The following DMXL2 variants were observed in gnomAD, a reference collection of about 807,000 sequenced individuals.
DMXL2 encodes dmX-like protein 2.
A neutral mutation model predicts 331.1 loss-of-function variants in DMXL2; 103 were observed. The observed-to-expected ratio is 0.31, with a 90% CI of 0.27 to 0.37. DMXL2 has a LOEUF of 0.37. Among genes scored for constraint, DMXL2 ranks in the 10% least tolerant of loss-of-function variants. The probability of loss-of-function intolerance (pLI) is 1.00; values close to 1 mark genes in which losing one functional copy is unlikely to be tolerated. For synonymous variants in DMXL2, 1,281 were observed against 1,252.1 expected, an observed-to-expected ratio of 1.02 and a Z score of -0.49; for missense variants, 3,171 against 3,642.9, an observed-to-expected ratio of 0.87 and a Z score of 3.33.
intron 1 of DMXL2, among the ~76,000 whole-genome samples, chr15:51,618,507 AAATG>A (rs1164887911): frequency 6.6e-6 from 1 of 152,170 alleles, no homozygotes; most frequent in Non-Finnish European, 1.5e-5. Flanking sequence ...TCTAATTTTT[AAATG>A]AATGGTTTTC....
At chr15:51,595,282 C>CA (rs1466727726) in intron 1 of DMXL2, among the ~76,000 whole-genome samples, 4 of 151,638 alleles carry the variant, frequency 2.6e-5, no homozygotes, top group African/African-American at 9.7e-5. Context: ...CAATAACAGA[C>CA]AAACAGAGAG....
In DMXL2 at chr15:51,488,431, G is replaced by A. The variant is rs764878448; in HGVS notation, c.5051+117C>T. Reference sequence around the variant, plus strand: ...TTTTTTCAGCTAAAGGAACCAGGTCGCATAGAAGTGGATTTGATGAAGCTC... The same window carrying A: ...TTTTTTCAGCTAAAGGAACCAGGTCACATAGAAGTGGATTTGATGAAGCTC... On this transcript the variant is annotated intron_variant, in intron 21 of 43. Coordinates refer to ENST00000560891, the MANE Select transcript of DMXL2 (RefSeq NM_001378457.1). The A allele has an allele frequency of 4.1e-4, 362 of 889,262 alleles. 4 individuals carry two copies. The highest frequency in any genetic ancestry group is 1.0e-4 in the Non-Finnish European group (59 of 566,210). The allele number at this position is 889,262 out of a possible 1,614,324, so 55.1% of individuals were successfully genotyped here. A position where few individuals can be genotyped will look rare whatever the true frequency, so the allele number is the denominator to read the frequency against.
At chr15:51,572,116 C>G (rs780990386) in intron 2 of DMXL2, among the ~76,000 whole-genome samples, 53 of 151,974 alleles carry the variant, frequency 3.5e-4, no homozygotes, top group Non-Finnish European at 3.2e-4. Context: ...ACCAATGATC[C>G]CACAGAAACA....
intron 1 of DMXL2, among the ~76,000 whole-genome samples, chr15:51,619,096 G>A (rs1489787889): frequency 6.6e-6 from 1 of 152,044 alleles, no homozygotes; most frequent in Non-Finnish European, 1.5e-5. Context: ...AAATAGCCAA[G>A]GACTATCTTT....
intron 17 of DMXL2, among the ~76,000 whole-genome samples, chr15:51,502,306 T>TGTGTGTGTGTGTGTGTGTGTGTG (rs2043701330): frequency 2.8e-5 from 4 of 140,628 alleles, no homozygotes; most frequent in South Asian, 4.5e-4. Context: ...TTTTGTGGGT[T>TGTGTGTGTGTGTGTGTGTGTGTG]TGTGTGTGTG....
chr15:51,580,984 G>T (rs566527164), intron 1 of DMXL2, among the ~76,000 whole-genome samples: 1 of 152,256 alleles, frequency 6.6e-6, no homozygotes, highest in East Asian at 1.9e-4. Flanking sequence ...CCGAAAAATT[G>T]TATTTAAAGT....
chr15:51,622,027 C>G (rs2054669479), intron 1 of DMXL2, among the ~76,000 whole-genome samples: 1 of 152,138 alleles, frequency 6.6e-6, no homozygotes. Context: ...CTCCACGCTC[C>G]GAGACCAACA....
chr15:51,476,721 T>G lies in DMXL2; in HGVS notation c.6834-2A>C. 6.3e-7 allele frequency: 1 copy of G among 1,594,414 alleles called. No homozygotes were observed. The highest frequency in any genetic ancestry group is 8.5e-7 in the Non-Finnish European group (1 of 1,175,096). On this transcript the variant is annotated splice_acceptor_variant, in intron 26 of 43. Coordinates refer to ENST00000560891, the MANE Select transcript of DMXL2 (RefSeq NM_001378457.1). LOFTEE classifies it high-confidence loss of function. Reference sequence around the variant, plus strand: ...AACTGATTTCCTTCTGTTTGACTGCTAAAACAAATAGGTTCAGTTATTTAT... The same window carrying G: ...AACTGATTTCCTTCTGTTTGACTGCGAAAACAAATAGGTTCAGTTATTTAT...
At chr15:51,505,172 A>G (rs780157272) in intron 16 of DMXL2, among the ~76,000 whole-genome samples, 1 of 152,278 alleles carries the variant, frequency 6.6e-6, no homozygotes, top group Non-Finnish European at 1.5e-5. Context: ...CTACTGCAGT[A>G]AATTCAAGCG....
At chr15:51,598,308 C>T (rs1301935603) in intron 1 of DMXL2, among the ~76,000 whole-genome samples, 1 of 152,292 alleles carries the variant, frequency 6.6e-6, no homozygotes, top group South Asian at 2.1e-4. Context: ...TCTCTGTATA[C>T]ATACATATAT....
At chr15:51,478,943 G>A (rs1231960376) in intron 25 of DMXL2, among the ~76,000 whole-genome samples, 2 of 151,430 alleles carry the variant, frequency 1.3e-5, no homozygotes, top group Non-Finnish European at 1.5e-5. Context: ...CCACCACCCT[G>A]AAATGCTATA....
intron 29 of DMXL2, among the ~76,000 whole-genome samples, chr15:51,468,919 C>A (rs1239936562): frequency 1.3e-5 from 2 of 151,848 alleles, no homozygotes; most frequent in East Asian, 3.9e-4. Flanking sequence ...GGTCAAAATT[C>A]TTTCAGGGCA....
intron 13 of DMXL2, among the ~76,000 whole-genome samples, chr15:51,526,419 T>TC (rs749141599): frequency 6.6e-6 from 1 of 152,144 alleles, no homozygotes; most frequent in Non-Finnish European, 1.5e-5. Context: ...TGGAAAGCCT[T>TC]CCCAAGGACA....
At chr15:51,512,709 G>C (rs767974559) in intron 15 of DMXL2, among the ~76,000 whole-genome samples, 2 of 151,844 alleles carry the variant, frequency 1.3e-5, no homozygotes, top group Non-Finnish European at 2.9e-5. Context: ...CCAGCTACTC[G>C]GGAGGCTGAG....
At position 51,564,395 on chromosome 15, in the gene DMXL2, G is replaced by T. The variant is rs2050145417; in HGVS notation, c.365-135C>A. ...CAATATCGCCAACGAAAAACACTTG[G>T]TATATATTTTTTTAAAGTCCCTTAT... On this transcript the variant is annotated intron_variant, in intron 4 of 43. Transcript: ENST00000560891. 3.7e-5 allele frequency: 21 copies of T among 573,864 alleles called. No homozygotes were observed. In the South Asian group the frequency reaches 1.0e-3, roughly 28 times the overall value. 35.5% of individuals were successfully genotyped at this position (573,864 alleles called of 1,614,324 possible). A position where few individuals can be genotyped will look rare whatever the true frequency, so the allele number is the denominator to read the frequency against.
At chr15:51,559,734 G>C (rs977498576) in intron 6 of DMXL2, among the ~76,000 whole-genome samples, 1 of 151,490 alleles carries the variant, frequency 6.6e-6, no homozygotes, top group Non-Finnish European at 1.5e-5. Flanking sequence ...AAAACAAAAA[G>C]CAAAAAAAAC....
intron 6 of DMXL2, among the ~76,000 whole-genome samples, chr15:51,559,671 T>C (rs1233584089): frequency 6.6e-6 from 1 of 152,090 alleles, no homozygotes. Context: ...CAGTGAGCTA[T>C]GATCGGCCGA....
At chr15:51,458,181 G>A (rs1030470527) in intron 36 of DMXL2, 26 of 192,070 alleles carry the variant, frequency 1.4e-4, no homozygotes, top group Admixed American at 5.9e-4. Context: ...AAAATTACTC[G>A]GTAAATGTGA....
chr15:51,557,049 T>TA (rs55873332), intron 6 of DMXL2, among the ~76,000 whole-genome samples: 67,511 of 148,598 alleles, frequency 0.45, 15,607 homozygotes, highest in Non-Finnish European at 0.52. Context: ...ACACTGCAGT[T>TA]AAAAAAAAAA....
Sources: gnomAD v4.1 joint callset for allele counts (sites outside exome capture counted in the v4.1 genomes callset) on GRCh38, gnomAD v4.1.1 for gene constraint, MANE v1.5 for transcripts, NCBI Gene and HGNC (gene_info 2026-07-23, HGNC 2026-07-21) for gene names.